The following ABLIM2 variants were observed in gnomAD, a reference collection of about 807,000 sequenced individuals.
ABLIM2 encodes actin-binding LIM protein 2.
In ABLIM2, 53 loss-of-function variants were observed where a neutral mutation model predicts 97.7. That is an observed-to-expected ratio of 0.54 (90% CI 0.44 to 0.68). The LOEUF is 0.68. Ranked by LOEUF, ABLIM2 falls within the 30% of genes least tolerant of loss-of-function variation. ABLIM2 has a pLI of 0.00. For synonymous variants in ABLIM2, 361 were observed against 345.8 expected (o/e 1.04, Z -0.49); for missense variants, 835 against 867.2 (o/e 0.96, Z 0.47).
intron 20 of ABLIM2, among the ~76,000 whole-genome samples, chr4:7,974,362 T>A (rs1730923019): frequency 7.3e-6 from 1 of 136,996 alleles, no homozygotes; most frequent in Non-Finnish European, 1.6e-5. Flanking sequence ...CATCCACTCC[T>A]CCATTCATCC....
At chr4:8,045,054 G>C (rs1008393718) in intron 9 of ABLIM2, 110 bp downstream of exon 9, 11 of 971,434 alleles carry the variant, frequency 1.1e-5, no homozygotes, top group East Asian at 7.2e-5. Flanking sequence ...TCAGGCCCCA[G>C]ATGATAGTTC....
At chr4:8,036,381 G>A (rs1008254022) in intron 9 of ABLIM2, 86 bp from the exon 10 acceptor site, 1 of 1,502,948 alleles carries the variant, frequency 6.7e-7, no homozygotes, top group Non-Finnish European at 9.1e-7. Flanking sequence ...GCATCCCACA[G>A]GACAGTGCCC....
chr4:8,002,146 G>T lies in ABLIM2; in HGVS notation c.1618+5913C>A, dbSNP rs1560526688. ...ACTCCCACGGTTCCAGTCCCATCTG[G>T]GAGCCGGGGACCCTCAGTCTCTGCC... On this transcript the variant is annotated intron_variant, in intron 16 of 20. Coordinates refer to ENST00000447017, the MANE Select transcript of ABLIM2 (RefSeq NM_001130083.2). The surrounding 1 kb of genome is among the most constrained non-coding windows in gnomAD (Gnocchi z 6.1). Among the ~76,000 whole-genome samples, 1 of 152,284 alleles carries T rather than the reference G, an allele frequency of 6.6e-6. No homozygotes were observed. Among genetic ancestry groups the T allele is most frequent in the African/African-American group, 2.4e-5 (1 of 41,554 alleles).
At chr4:7,968,476 T>C (rs1328400573) in intron 20 of ABLIM2, among the ~76,000 whole-genome samples, 1 of 152,260 alleles carries the variant, frequency 6.6e-6, no homozygotes, top group Non-Finnish European at 1.5e-5. Context: ...GACATGTCCA[T>C]GTGACGGAAT....
intron 18 of ABLIM2, among the ~76,000 whole-genome samples, chr4:7,984,359 CAGG>C: frequency 6.6e-6 from 1 of 152,344 alleles, no homozygotes; most frequent in South Asian, 2.1e-4. Context: ...CAGAGGCTGA[CAGG>C]AGGTGAGCCT....
At chr4:7,991,606 GA>G (rs1403012715) in intron 17 of ABLIM2, among the ~76,000 whole-genome samples, 1 of 152,210 alleles carries the variant, frequency 6.6e-6, no homozygotes, top group Non-Finnish European at 1.5e-5. Flanking sequence ...TGTGGAAGAT[GA>G]AAAATGGAGA....
chr4:8,039,265 G>C (rs545985202), intron 9 of ABLIM2, among the ~76,000 whole-genome samples: 4 of 152,030 alleles, frequency 2.6e-5, no homozygotes, highest in Non-Finnish European at 5.9e-5. Context: ...CCCCACCTCC[G>C]TCCCCTCCAA....
rs368447390 is a variant in ABLIM2 at position 8,019,384 on chromosome 4, C to T, written c.1423+234G>A. Among the ~76,000 whole-genome samples the T allele has an allele frequency of 2.4e-4, 36 of 152,304 alleles. No homozygotes were observed. In the South Asian group the frequency reaches 6.6e-3, roughly 28 times the overall value. ...AGCCCTGGCTGATGTGCATTAGCCT[C>T]GGCGTCGTAACGCACAGAAGTTCCT... On this transcript the variant is annotated intron_variant, in intron 14 of 20. Coordinates refer to ENST00000447017, the MANE Select transcript of ABLIM2 (RefSeq NM_001130083.2). This position sits in a 1 kb window ranked among gnomAD's most constrained non-coding sequence, Gnocchi z 4.3.
chr4:8,043,765 G>A lies in ABLIM2; in HGVS notation c.900+1399C>T, dbSNP rs4696738. 0.16 allele frequency among the ~76,000 whole-genome samples: 24,712 copies of A among 152,156 alleles called. 2,238 individuals carry two copies. Among genetic ancestry groups the A allele is most frequent in the East Asian group, 0.32 (1,656 of 5,158 alleles). ...TGACACAGATGATGGTAACAGTAAC[G>A]GCAGCAAGCGTTTCCCACAGCCTTC... is the stretch of plus-strand genomic sequence containing the variant. On this transcript the variant is annotated intron_variant, in intron 9 of 20. Coordinates refer to ENST00000447017, the MANE Select transcript of ABLIM2 (RefSeq NM_001130083.2). The surrounding 1 kb of genome is among the most constrained non-coding windows in gnomAD (Gnocchi z 4.8).
rs373104822 is a variant in ABLIM2, at chr4:8,005,245, G to T, written c.1618+2814C>A. 42 of 508,488 alleles carry T rather than the reference G, an allele frequency of 8.3e-5. No homozygotes were observed. Among genetic ancestry groups the T allele is most frequent in the Non-Finnish European group, 1.6e-4 (39 of 243,296 alleles). The allele number at this position is 508,488 out of a possible 1,614,324, so 31.5% of individuals were successfully genotyped here. On this transcript the variant is annotated intron_variant, in intron 16 of 20. Transcript: ENST00000447017. The surrounding 1 kb of genome is among the most constrained non-coding windows in gnomAD (Gnocchi z 4.9). Reference sequence around the variant, plus strand: ...TCTCAGCTCCCTGCACGCTTCTCCAGGTCAGGGGCTGCTCTTGTCTTCTCT... The same window carrying T: ...TCTCAGCTCCCTGCACGCTTCTCCATGTCAGGGGCTGCTCTTGTCTTCTCT...
rs533868391 is a variant in ABLIM2, at chr4:8,022,143, G to A, written c.1268-1840C>T. Among the ~76,000 whole-genome samples, 2 of 152,308 alleles carry A rather than the reference G, an allele frequency of 1.3e-5. No individual in the cohort carries two copies. Among genetic ancestry groups the A allele is most frequent in the African/African-American group, 4.8e-5 (2 of 41,576 alleles). ...CAGGTTTTAAAAACTGCACCCACAC[G>A]AACTCTGAACAGAGGAAGACGGTTT... On this transcript the variant is annotated intron_variant, in intron 12 of 20. Transcript: ENST00000447017. The surrounding 1 kb of genome is among the most constrained non-coding windows in gnomAD (Gnocchi z 7.8).
rs114621134 is a variant in ABLIM2 at position 8,127,821 on chromosome 4, G to A, written c.11-21184C>T. ...AGACACACCTGTCTCCCAGGCATCC[G>A]GGAAAGGGGCTCTGAAAAGGCACTC... On this transcript the variant is annotated intron_variant, in intron 1 of 20. Coordinates refer to ENST00000447017, the MANE Select transcript of ABLIM2 (RefSeq NM_001130083.2). This position sits in a 1 kb window ranked among gnomAD's most constrained non-coding sequence, Gnocchi z 7.3. 2,255 of 682,286 alleles carry A rather than the reference G, an allele frequency of 3.3e-3. 58 individuals carry two copies. In the African/African-American group the frequency reaches 0.041, roughly 13 times the overall value. 42.3% of individuals were successfully genotyped at this position (682,286 alleles called of 1,614,324 possible).
At chr4:8,008,247 T>C (rs188512238) in intron 15 of ABLIM2, 47 bp from the exon 16 acceptor site, 5 of 1,569,674 alleles carry the variant, frequency 3.2e-6, no homozygotes, top group Non-Finnish European at 4.4e-6. Flanking sequence ...TCATCTGCAA[T>C]GGTGGGAACA....
intron 8 of ABLIM2, among the ~76,000 whole-genome samples, chr4:8,050,627 C>T (rs897343632): frequency 6.6e-6 from 1 of 152,206 alleles, no homozygotes; most frequent in African/African-American, 2.4e-5. Context: ...CGGGAGCCGG[C>T]CAGGTCTGCC....
rs990105212 is a variant in ABLIM2, at chr4:7,999,953, T to C, written c.1619-7026A>G. Reference sequence around the variant, plus strand: ...CAGAGGTCAAAGTCACCGCTGGACATTCAAGGCCGGGCACCTTGTGGGCAG... The same window carrying C: ...CAGAGGTCAAAGTCACCGCTGGACACTCAAGGCCGGGCACCTTGTGGGCAG... On this transcript the variant is annotated intron_variant, in intron 16 of 20. Transcript: ENST00000447017. This position sits in a 1 kb window ranked among gnomAD's most constrained non-coding sequence, Gnocchi z 4.4. 2.0e-5 allele frequency among the ~76,000 whole-genome samples: 3 copies of C among 152,200 alleles called. No homozygotes were observed. The highest frequency in any genetic ancestry group is 2.9e-5 in the Non-Finnish European group (2 of 68,032).
chr4:7,966,940 G>A lies in ABLIM2; in HGVS notation c.*50C>T, dbSNP rs764576988. The A allele has an allele frequency of 8.9e-6, 13 of 1,466,040 alleles. No individual in the cohort carries two copies. Among genetic ancestry groups the A allele is most frequent in the Non-Finnish European group, 9.5e-7 (1 of 1,056,212 alleles). 90.8% of individuals were successfully genotyped at this position (1,466,040 alleles called of 1,614,324 possible). A position where few individuals can be genotyped will look rare whatever the true frequency, so the allele number is the denominator to read the frequency against. Reference sequence around the variant, plus strand: ...GGGGTGTGTGCGGTTCTCGCCAGGGGCCCCTGGCCTCGGCGCCCGGCACAC... The same window carrying A: ...GGGGTGTGTGCGGTTCTCGCCAGGGACCCCTGGCCTCGGCGCCCGGCACAC... On this transcript the variant is annotated 3_prime_UTR_variant, in exon 21 of 21. Coordinates refer to ENST00000447017, the MANE Select transcript of ABLIM2 (RefSeq NM_001130083.2).
intron 20 of ABLIM2, among the ~76,000 whole-genome samples, chr4:7,968,693 G>C (rs1320062602): frequency 1.3e-5 from 2 of 152,218 alleles, no homozygotes; most frequent in Non-Finnish European, 1.5e-5. Context: ...GGAATGGGGA[G>C]GGACTGTTTA....
rs973519093 is a variant in ABLIM2, at chr4:8,071,825, T to C, written c.675+5803A>G. The C allele has an allele frequency of 2.0e-5, 20 of 985,204 alleles. No individual in the cohort carries two copies. In the African/African-American group the frequency reaches 3.1e-4, roughly 16 times the overall value. The allele number at this position is 985,204 out of a possible 1,614,324, so 61.0% of individuals were successfully genotyped here. Reference sequence around the variant, plus strand: ...TGACGGCCCTGCTTGAGTGCCGTGCTCCCTGGAACGTGTGCCTGCGAGGGT... The same window carrying C: ...TGACGGCCCTGCTTGAGTGCCGTGCCCCCTGGAACGTGTGCCTGCGAGGGT... On this transcript the variant is annotated intron_variant, in intron 6 of 20. Transcript: ENST00000447017. This position sits in a 1 kb window ranked among gnomAD's most constrained non-coding sequence, Gnocchi z 6.2.
intron 3 of ABLIM2, among the ~76,000 whole-genome samples, chr4:8,093,094 C>G (rs2152574710): frequency 6.6e-6 from 1 of 152,292 alleles, no homozygotes; most frequent in African/African-American, 2.4e-5. Flanking sequence ...AGTGATCTAC[C>G]CGGCTCAGCC....
Sources: allele counts gnomAD v4.1 joint callset (sites outside exome capture counted in the v4.1 genomes callset), GRCh38; gene constraint gnomAD v4.1.1; non-coding constraint Gnocchi (gnomAD v3.1); transcripts MANE v1.5; gene names NCBI Gene and HGNC (gene_info 2026-07-23, HGNC 2026-07-21).